The following DPP6 variants were observed in gnomAD, a reference collection of about 807,000 sequenced individuals.
The protein encoded by DPP6 is A-type potassium channel modulatory protein DPP6.
A neutral mutation model predicts 122.6 loss-of-function variants in DPP6; 69 were observed. The ratio of observed to expected loss-of-function variants is 0.56; its 90% confidence interval spans 0.46 to 0.69. DPP6 has a LOEUF of 0.69. DPP6 is among the 30% of genes least tolerant of loss of function. The pLI is 0.00. For missense variants in DPP6, 928 were observed against 1,116.9 expected (o/e 0.83, Z 2.41); for synonymous variants, 418 against 433.1 (o/e 0.97, Z 0.43).
intron 2 of DPP6, among the ~76,000 whole-genome samples, chr7:154,450,925 T>G (rs1157045017): frequency 6.6e-6 from 1 of 152,226 alleles, no homozygotes; most frequent in Non-Finnish European, 1.5e-5. Context: ...ACATGATTAC[T>G]GCAGATTCGA....
At chr7:154,372,102 G>C (rs2151121923) in intron 1 of DPP6, among the ~76,000 whole-genome samples, 1 of 152,168 alleles carries the variant, frequency 6.6e-6, no homozygotes, top group East Asian at 1.9e-4. Flanking sequence ...CTCAATCAGA[G>C]TCCCTTACTG....
chr7:153,944,149 C>T (rs1414676212), intron 1 of DPP6, among the ~76,000 whole-genome samples: 6 of 152,196 alleles, frequency 3.9e-5, no homozygotes, highest in Non-Finnish European at 8.8e-5. Flanking sequence ...GCACGAGCCT[C>T]GTTAGCACGC....
At chr7:154,277,060 A>G (rs1313739948) in intron 1 of DPP6, among the ~76,000 whole-genome samples, 1 of 152,180 alleles carries the variant, frequency 6.6e-6, no homozygotes, top group African/African-American at 2.4e-5. Context: ...AACTAAATAG[A>G]CCATGAAGAG....
At chr7:153,868,437 G>A in the DPP6 span, among the ~76,000 whole-genome samples, 6 of 152,082 alleles carry the variant, frequency 3.9e-5, no homozygotes, top group Admixed American at 6.5e-5. Flanking sequence ...GTTTATTTGC[G>A]TAGAGGTGTT....
At chr7:153,981,146 T>TCA (rs879529896) in intron 1 of DPP6, among the ~76,000 whole-genome samples, 2 of 152,182 alleles carry the variant, frequency 1.3e-5, no homozygotes, top group Admixed American at 6.5e-5. Context: ...GACAGTGAGA[T>TCA]GTTGAAGTAT....
chr7:154,775,766 C>T (rs1424014404), intron 10 of DPP6, among the ~76,000 whole-genome samples: 1 of 152,164 alleles, frequency 6.6e-6, no homozygotes, highest in Non-Finnish European at 1.5e-5. Flanking sequence ...CCAGTGATCC[C>T]ACCTGCCTCT....
At chr7:154,691,650 T>C (rs887067776) in intron 7 of DPP6, among the ~76,000 whole-genome samples, 14 of 152,000 alleles carry the variant, frequency 9.2e-5, no homozygotes, top group South Asian at 2.1e-4. Flanking sequence ...AAACCCCGTC[T>C]CTACTAAAAA....
chr7:154,056,737 A>AT (rs957064205), intron 1 of DPP6, among the ~76,000 whole-genome samples: 1 of 151,790 alleles, frequency 6.6e-6, no homozygotes, highest in Non-Finnish European at 1.5e-5. Context: ...CAACCAACCC[A>AT]TTTTTTTCCT....
chr7:154,418,544 A>G (rs886636676), intron 1 of DPP6, among the ~76,000 whole-genome samples: 1 of 152,176 alleles, frequency 6.6e-6, no homozygotes, highest in African/African-American at 2.4e-5. Flanking sequence ...GAGAGTGGAC[A>G]GGGGACGGCT....
chr7:154,052,687 T>TTGC lies in DPP6; in HGVS notation c.-115_-113dup, dbSNP rs374262699. 260 of 1,168,504 alleles carry TTGC rather than the reference T, an allele frequency of 2.2e-4. No individual in the cohort carries two copies. The highest frequency in any genetic ancestry group is 1.2e-3 in the African/African-American group (73 of 58,538). The allele number at this position is 1,168,504 out of a possible 1,614,324, so 72.4% of individuals were successfully genotyped here. On this transcript the variant is annotated 5_prime_UTR_variant, in exon 1 of 26. Transcript: ENST00000377770. This position sits in a 1 kb window ranked among gnomAD's most constrained non-coding sequence, Gnocchi z 4.8. ...AGCGGCCGCCGGCGCTGGGCTTGCC[T>TTGC]TGCTGCTGCTGCTGCTGCTGCCTCC...
intron 1 of DPP6, among the ~76,000 whole-genome samples, chr7:154,360,575 A>G (rs1811643532): frequency 6.6e-6 from 1 of 152,244 alleles, no homozygotes; most frequent in South Asian, 2.1e-4. Flanking sequence ...CTGTCCAGCA[A>G]AAGTCTTGAC....
chr7:153,815,527 C>G, the DPP6 span, among the ~76,000 whole-genome samples: 1 of 151,572 alleles, frequency 6.6e-6, no homozygotes, highest in Non-Finnish European at 1.5e-5. Context: ...CGTCCCCCCA[C>G]CCCACAGCAG....
chr7:154,703,114 A>G (rs1009268336), intron 7 of DPP6, among the ~76,000 whole-genome samples: 2 of 152,216 alleles, frequency 1.3e-5, no homozygotes, highest in Non-Finnish European at 2.9e-5. Context: ...TTGTGTAATG[A>G]ATATTTTAAT....
At chr7:154,214,948 G>A (rs1373072813) in intron 1 of DPP6, among the ~76,000 whole-genome samples, 1 of 151,960 alleles carries the variant, frequency 6.6e-6, no homozygotes, top group Non-Finnish European at 1.5e-5. Context: ...CAGTGTTGTT[G>A]TAAGCCTTGA....
At chr7:153,869,559 A>T in the DPP6 span, among the ~76,000 whole-genome samples, 2 of 152,136 alleles carry the variant, frequency 1.3e-5, no homozygotes, top group African/African-American at 4.8e-5. Flanking sequence ...TGCACATGAG[A>T]TGGGTTTCCT....
chr7:153,995,279 A>G (rs71530474), intron 1 of DPP6, among the ~76,000 whole-genome samples: 11 of 152,170 alleles, frequency 7.2e-5, no homozygotes, highest in African/African-American at 2.7e-4. Flanking sequence ...AGTTTATCCC[A>G]TGAGTTCTTT....
rs79707702 is a variant in DPP6, at chr7:154,783,700, G to A, written c.1137-10379G>A. Among the ~76,000 whole-genome samples the A allele has an allele frequency of 4.0e-3, 611 of 152,236 alleles. 8 individuals are homozygous for A. Among genetic ancestry groups the A allele is most frequent in the African/African-American group, 0.014 (577 of 41,530 alleles). ...GTCCCCTCGAGAGACAGTCTTACTCGGGGCATGGGAATTTGACAGGCATCT... is the reference window on the plus strand; with the variant it reads ...GTCCCCTCGAGAGACAGTCTTACTCAGGGCATGGGAATTTGACAGGCATCT... On this transcript the variant is annotated intron_variant, in intron 10 of 25. Coordinates refer to ENST00000377770, the MANE Select transcript of DPP6 (RefSeq NM_130797.4).
At chr7:153,999,117 G>C (rs1289540516) in intron 1 of DPP6, among the ~76,000 whole-genome samples, 1 of 152,234 alleles carries the variant, frequency 6.6e-6, no homozygotes, top group Non-Finnish European at 1.5e-5. Context: ...TCTGGGAGGA[G>C]CATTGGGCAC....
chr7:153,762,382 A>T, the DPP6 span, among the ~76,000 whole-genome samples: 101 of 152,350 alleles, frequency 6.6e-4, 1 homozygote, highest in Middle Eastern at 3.4e-3. Flanking sequence ...GTGGTGCAAC[A>T]TTCCTTACTT....
Sources: allele counts gnomAD v4.1 joint callset (sites outside exome capture counted in the v4.1 genomes callset), GRCh38; gene constraint gnomAD v4.1.1; non-coding constraint Gnocchi (gnomAD v3.1); transcripts MANE v1.5; gene names NCBI Gene and HGNC (gene_info 2026-07-23, HGNC 2026-07-21).